The following CMPK1 variants were observed in gnomAD, a reference collection of about 807,000 sequenced individuals.
CMPK1 encodes cytidine/uridine monophosphate kinase 1, also known as UMP-CMP kinase.
Under a neutral mutation model 25.7 loss-of-function variants are expected in CMPK1, and 10 were observed. The observed-to-expected ratio is 0.39, with a 90% CI of 0.24 to 0.66. The LOEUF is 0.66. CMPK1 is among the 30% of genes least tolerant of loss of function. CMPK1 has a pLI of 0.48. For missense variants in CMPK1, 199 were observed against 280.5 expected (o/e 0.71, Z 2.08); for synonymous variants, 106 against 101.5 (o/e 1.04, Z -0.27).
At chr1:47,360,426 G>A (rs1005859759) in intron 1 of CMPK1, among the ~76,000 whole-genome samples, 3 of 152,178 alleles carry the variant, frequency 2.0e-5, no homozygotes, top group Non-Finnish European at 4.4e-5. Context: ...TCCGTAAAAT[G>A]TTAGAGGGAC....
At position 47,378,335 on chromosome 1, in the gene CMPK1, G is replaced by A. The variant is rs922687329; in HGVS notation, c.*1590G>A. 3 of 152,136 alleles carry A rather than the reference G, an allele frequency of 2.0e-5. No individual in the cohort carries two copies. Among genetic ancestry groups the A allele is most frequent in the Non-Finnish European group, 4.4e-5 (3 of 68,026 alleles). The allele number at this position is 152,136 out of a possible 1,614,324, so 9.4% of individuals were successfully genotyped here. The stretch of plus-strand genomic sequence containing the variant: ...CTAGTGTTGCAGGCCAGCAAATACA[G>A]AGGTGGTTTAATCAAACAGCTCTAG... On this transcript the variant is annotated 3_prime_UTR_variant, in exon 6 of 6. Coordinates refer to ENST00000371873, the MANE Select transcript of CMPK1 (RefSeq NM_016308.3).
chr1:47,359,190 G>A (rs1029910499), intron 1 of CMPK1, among the ~76,000 whole-genome samples: 1 of 151,568 alleles, frequency 6.6e-6, no homozygotes, highest in Non-Finnish European at 1.5e-5. Flanking sequence ...GTTGGCGGGC[G>A]CCTGTAGTCC....
In CMPK1 at chr1:47,343,446, C is replaced by T. The variant is rs184815741; in HGVS notation, c.171+9330C>T. On this transcript the variant is annotated intron_variant, in intron 1 of 5. Transcript: ENST00000371873. Reference sequence around the variant, plus strand: ...TCGCTTGAACCTGGGAGGAGGACGTCGTAGTGAGCCAAGACCACACCATTG... The same window carrying T: ...TCGCTTGAACCTGGGAGGAGGACGTTGTAGTGAGCCAAGACCACACCATTG... 2.5e-3 allele frequency among the ~76,000 whole-genome samples: 372 copies of T among 151,042 alleles called. 5 individuals are homozygous for T. Among genetic ancestry groups the T allele is most frequent in the African/African-American group, 8.3e-3 (343 of 41,168 alleles).
chr1:47,362,764 T>C (rs979127190), intron 1 of CMPK1, among the ~76,000 whole-genome samples: 2 of 152,220 alleles, frequency 1.3e-5, no homozygotes, highest in African/African-American at 2.4e-5. Flanking sequence ...GAAATATGCA[T>C]GGTCAAATGC....
intron 1 of CMPK1, among the ~76,000 whole-genome samples, chr1:47,366,538 T>TTA (rs1646640837): frequency 6.6e-6 from 1 of 152,132 alleles, no homozygotes; most frequent in East Asian, 1.9e-4. Flanking sequence ...GAAAGCATTA[T>TTA]TAGCAAAATC....
chr1:47,336,909 T>C (rs1646403119), intron 1 of CMPK1, among the ~76,000 whole-genome samples: 1 of 152,240 alleles, frequency 6.6e-6, no homozygotes, highest in Non-Finnish European at 1.5e-5. Flanking sequence ...TACAGTATGC[T>C]GTTTCTGAAT....
intron 1 of CMPK1, among the ~76,000 whole-genome samples, chr1:47,343,228 C>T (rs1570353427): frequency 6.6e-6 from 1 of 151,148 alleles, no homozygotes; most frequent in African/African-American, 2.4e-5. Flanking sequence ...CTCAAGTGAT[C>T]CACCTGCCTT....
At position 47,378,500 on chromosome 1, in the gene CMPK1, G is replaced by A. The variant is rs2149336304; in HGVS notation, c.*1755G>A. 6.6e-6 allele frequency: 1 copy of A among 152,296 alleles called. No homozygotes were observed. The highest frequency in any genetic ancestry group is 1.5e-5 in the Non-Finnish European group (1 of 68,014). 9.4% of individuals were successfully genotyped at this position (152,296 alleles called of 1,614,324 possible). A position where few individuals can be genotyped will look rare whatever the true frequency, so the allele number is the denominator to read the frequency against. On this transcript the variant is annotated 3_prime_UTR_variant, in exon 6 of 6. Coordinates refer to ENST00000371873, the MANE Select transcript of CMPK1 (RefSeq NM_016308.3). ...GTTTTGAAGAAGACTGATGAGACTA[G>A]GTGCTTTGCTTCCTTTCATCAGGTA... is the stretch of plus-strand genomic sequence containing the variant.
chr1:47,354,599 C>CTTTTTTTTTTTTT, intron 1 of CMPK1, among the ~76,000 whole-genome samples: 1 of 105,470 alleles, frequency 9.5e-6, no homozygotes, highest in South Asian at 3.2e-4. Context: ...TTGTGACTTG[C>CTTTTTTTTTTTTT]TTTTTTTTTT....
chr1:47,366,537 A>G lies in CMPK1; in HGVS notation c.172-1932A>G, dbSNP rs558228288. On this transcript the variant is annotated intron_variant, in intron 1 of 5. Coordinates refer to ENST00000371873, the MANE Select transcript of CMPK1 (RefSeq NM_016308.3). ...GCAACTGTGGTAAGAGGAAAGCATT[A>G]TTAGCAAAATCCTTAAGAAAAATAT... Among the ~76,000 whole-genome samples, 4 of 152,286 alleles carry G rather than the reference A, an allele frequency of 2.6e-5. No homozygotes were observed. The East Asian group carries it at 5.8e-4, about 22-fold the overall frequency.
At chr1:47,364,308 T>G (rs12129259) in intron 1 of CMPK1, among the ~76,000 whole-genome samples, 40,292 of 151,970 alleles carry the variant, frequency 0.27, 5,574 homozygotes, top group Non-Finnish European at 0.31. Context: ...GTTTGTTTTG[T>G]TTTGGTTTGG....
chr1:47,375,708 G>A (rs1022150171), intron 5 of CMPK1, among the ~76,000 whole-genome samples: 1 of 152,196 alleles, frequency 6.6e-6, no homozygotes, highest in Non-Finnish European at 1.5e-5. Flanking sequence ...TAGCTCAAGA[G>A]CTCCAGGCTT....
At chr1:47,358,864 C>G in intron 1 of CMPK1, 1 of 984,532 alleles carries the variant, frequency 1.0e-6, no homozygotes, top group Non-Finnish European at 1.2e-6. Context: ...ATTCTAGTTC[C>G]TAAAGAGCAC....
chr1:47,343,502 CGTCTCAAAAAAAAAAAA>C (rs1035411002), intron 1 of CMPK1, among the ~76,000 whole-genome samples: 3 of 73,838 alleles, frequency 4.1e-5, no homozygotes, highest in African/African-American at 8.0e-5. Context: ...AGTGAGACTC[CGTCTCAAAAAAAAAAAA>C]GTCTCAAAAA....
intron 1 of CMPK1, among the ~76,000 whole-genome samples, chr1:47,359,668 C>A (rs973827304): frequency 6.6e-6 from 1 of 151,760 alleles, no homozygotes. Context: ...GGATTACAGA[C>A]CTGAGCCCCC....
At chr1:47,375,732 C>G (rs1405935040) in intron 5 of CMPK1, among the ~76,000 whole-genome samples, 1 of 152,196 alleles carries the variant, frequency 6.6e-6, no homozygotes, top group Non-Finnish European at 1.5e-5. Context: ...TCTTCTGCCA[C>G]AGAACAAGTA....
rs1646717353 is a variant in CMPK1 at position 47,377,778 on chromosome 1, G to A, written c.*1033G>A. 1 of 152,372 alleles carries A rather than the reference G, an allele frequency of 6.6e-6. No individual in the cohort carries two copies. The highest frequency in any genetic ancestry group is 2.1e-4 in the South Asian group (1 of 4,824). 9.4% of individuals were successfully genotyped at this position (152,372 alleles called of 1,614,324 possible). ...AAAATAATAAATATATCTTATAAAT[G>A]TTTGATTCCCTTCCTTGCTATTTTT... On this transcript the variant is annotated 3_prime_UTR_variant, in exon 6 of 6. Transcript: ENST00000371873.
chr1:47,364,194 G>C (rs749174414), intron 1 of CMPK1, among the ~76,000 whole-genome samples: 1 of 152,120 alleles, frequency 6.6e-6, no homozygotes, highest in Non-Finnish European at 1.5e-5. Flanking sequence ...AAGATTCTAA[G>C]GTTTAGTAGT....
intron 1 of CMPK1, among the ~76,000 whole-genome samples, chr1:47,364,914 A>G (rs566899339): frequency 1.3e-5 from 2 of 151,910 alleles, no homozygotes; most frequent in East Asian, 3.9e-4. Flanking sequence ...AGGTGCACAT[A>G]GCCTTGCCCA....
Sources: allele counts gnomAD v4.1 joint callset (sites outside exome capture counted in the v4.1 genomes callset), GRCh38; gene constraint gnomAD v4.1.1; transcripts MANE v1.5; gene names NCBI Gene and HGNC (gene_info 2026-07-23, HGNC 2026-07-21).